Variants in SLIT3 observed in about 807,000 individuals in gnomAD.
The protein encoded by SLIT3 is slit guidance ligand 3.
A neutral mutation model predicts 184.0 loss-of-function variants in SLIT3; 68 were observed. The ratio of observed to expected loss-of-function variants is 0.37; its 90% CI spans 0.30 to 0.45. The LOEUF (loss-of-function observed/expected upper bound fraction) is 0.45, where lower values mean the gene tolerates loss of function less well. Ranked by LOEUF, SLIT3 falls within the 20% of genes least tolerant of loss-of-function variation. SLIT3 has a pLI of 1.00. For synonymous variants in SLIT3, 831 were observed against 828.6 expected (o/e 1.00, Z -0.05); for missense variants, 1,707 against 2,026.0 (o/e 0.84, Z 3.02).
chr5:169,064,936 C>G (rs771814038), intron 4 of SLIT3, among the ~76,000 whole-genome samples: 1 of 152,166 alleles, frequency 6.6e-6, no homozygotes, highest in Non-Finnish European at 1.5e-5. Flanking sequence ...AACTAGAACC[C>G]AGCCTAATTG....
chr5:169,295,327 A>G (rs922561393), intron 1 of SLIT3, among the ~76,000 whole-genome samples: 4 of 152,238 alleles, frequency 2.6e-5, no homozygotes, highest in Non-Finnish European at 5.9e-5. Context: ...GGGTAGAGTC[A>G]TCATACATAT....
At chr5:168,816,249 C>T (rs529824509) in intron 8 of SLIT3, among the ~76,000 whole-genome samples, 34 of 152,046 alleles carry the variant, frequency 2.2e-4, no homozygotes, top group Admixed American at 5.9e-4. Flanking sequence ...TACAGTGGTG[C>T]GATCTTGGCT....
intron 4 of SLIT3, among the ~76,000 whole-genome samples, chr5:168,899,205 C>T (rs1219639559): frequency 6.8e-6 from 1 of 147,024 alleles, no homozygotes. Flanking sequence ...AACTTCTAGA[C>T]AGGTGCAAAC....
chr5:169,252,138 A>G (rs1765796515), intron 1 of SLIT3, among the ~76,000 whole-genome samples: 1 of 152,262 alleles, frequency 6.6e-6, no homozygotes, highest in Admixed American at 6.5e-5. Context: ...GTATGTAGCT[A>G]GAAACCAACA....
chr5:168,792,067 T>G (rs917771364), intron 10 of SLIT3: 2 of 152,192 alleles, frequency 1.3e-5, no homozygotes, highest in Admixed American at 6.5e-5. Flanking sequence ...CCTGGAGCCA[T>G]AAGTGACTGG....
intron 1 of SLIT3, among the ~76,000 whole-genome samples, chr5:169,285,453 G>T (rs1767123525): frequency 6.6e-6 from 1 of 152,106 alleles, no homozygotes; most frequent in Non-Finnish European, 1.5e-5. Context: ...TAACTATATA[G>T]CTGTGGAGGT....
chr5:169,262,816 G>T (rs1766243675), intron 1 of SLIT3, among the ~76,000 whole-genome samples: 1 of 152,188 alleles, frequency 6.6e-6, no homozygotes, highest in South Asian at 2.1e-4. Context: ...TGGCACATAT[G>T]TTCCTGCTGT....
intron 31 of SLIT3, 22 bp from the exon 32 acceptor site, chr5:168,684,118 TGTTA>T (rs1761674276): frequency 3.8e-6 from 6 of 1,560,366 alleles, no homozygotes; most frequent in Non-Finnish European, 5.2e-6. Context: ...AGCCGGGGCG[TGTTA>T]GTAAGGGCTT....
chr5:169,002,550 GC>G (rs1333859971), intron 4 of SLIT3, among the ~76,000 whole-genome samples: 2 of 152,058 alleles, frequency 1.3e-5, no homozygotes, highest in Non-Finnish European at 2.9e-5. Flanking sequence ...GCCACAGGGA[GC>G]CATTGTGTAG....
At chr5:169,138,685 T>C (rs1181867578) in intron 4 of SLIT3, among the ~76,000 whole-genome samples, 1 of 152,228 alleles carries the variant, frequency 6.6e-6, no homozygotes, top group Admixed American at 6.5e-5. Flanking sequence ...GCTTGTCCGA[T>C]GGCACTGCGA....
chr5:168,708,703 T>A (rs1762452339), intron 25 of SLIT3: 1 of 155,560 alleles, frequency 6.4e-6, no homozygotes, highest in African/African-American at 2.4e-5. Flanking sequence ...CTGCGAGCAC[T>A]GGAGGGAGGT....
intron 3 of SLIT3, among the ~76,000 whole-genome samples, chr5:169,217,652 C>A (rs1043464110): frequency 6.6e-6 from 1 of 152,184 alleles, no homozygotes; most frequent in African/African-American, 2.4e-5. Context: ...GCACGCTCAA[C>A]ACCAGTGTCT....
Position 169,187,553 on chromosome 5 carries a change from TTCTTTC to T in SLIT3, c.413+5920_413+5925del, listed in dbSNP as rs1264521513. 1.0e-4 allele frequency among the ~76,000 whole-genome samples: 8 copies of T among 76,254 alleles called. No homozygotes were observed. In the East Asian group the frequency reaches 3.1e-3, roughly 30 times the overall value. 50.0% of individuals were successfully genotyped at this position (76,254 alleles called of 152,430 possible). A position where few individuals can be genotyped will look rare whatever the true frequency, so the allele number is the denominator to read the frequency against. On this transcript the variant is annotated intron_variant, in intron 4 of 35. Coordinates refer to ENST00000519560, the MANE Select transcript of SLIT3 (RefSeq NM_003062.4). The stretch of plus-strand genomic sequence containing the variant: ...CTTTTTTTCTTTTCTTTTTCTTTCT[TTCTTTC>T]TTTTTTTTTTTTTTTGAGACAGTCT...
intron 4 of SLIT3, among the ~76,000 whole-genome samples, chr5:168,892,155 AAG>A (rs1581184696): frequency 1.3e-5 from 2 of 152,364 alleles, no homozygotes; most frequent in East Asian, 3.9e-4. Flanking sequence ...AAACAGTAAA[AAG>A]AAACAGTTGA....
intron 4 of SLIT3, among the ~76,000 whole-genome samples, chr5:169,079,794 G>A (rs1235441843): frequency 3.1e-4 from 22 of 70,248 alleles, no homozygotes; most frequent in African/African-American, 1.1e-3. Flanking sequence ...AGGAGGAGGA[G>A]GGAGGAAGAG....
chr5:168,957,438 A>T (rs911924381), intron 4 of SLIT3, among the ~76,000 whole-genome samples: 2 of 152,180 alleles, frequency 1.3e-5, no homozygotes, highest in African/African-American at 4.8e-5. Context: ...CTTGTAGACC[A>T]AAGTGACTCA....
intron 20 of SLIT3, among the ~76,000 whole-genome samples, chr5:168,739,939 A>G (rs1225646228): frequency 1.3e-5 from 2 of 152,254 alleles, no homozygotes; most frequent in African/African-American, 4.8e-5. Context: ...GTTTGTCTTA[A>G]AAATGTGCTT....
chr5:168,771,538 G>T (rs1755549868), intron 14 of SLIT3, among the ~76,000 whole-genome samples: 1 of 152,130 alleles, frequency 6.6e-6, no homozygotes, highest in African/African-American at 2.4e-5. Context: ...AGGACCATTG[G>T]AAGAAGCAAA....
intron 4 of SLIT3, among the ~76,000 whole-genome samples, chr5:168,958,396 T>G (rs1762903157): frequency 6.6e-6 from 1 of 152,188 alleles, no homozygotes; most frequent in South Asian, 2.1e-4. Flanking sequence ...TTTTGAGAAT[T>G]TATTATATGT....
Sources: gnomAD v4.1 joint callset for allele counts (sites outside exome capture counted in the v4.1 genomes callset) on GRCh38, gnomAD v4.1.1 for gene constraint, MANE v1.5 for transcripts, NCBI Gene and HGNC (gene_info 2026-07-23, HGNC 2026-07-21) for gene names.